The following CAST variants were observed in gnomAD, a reference collection of about 807,000 sequenced individuals.
CAST encodes MIR583 host.
CAST carries 76 observed loss-of-function variants against 119.6 expected under a neutral mutation model. The ratio of observed to expected loss-of-function variants is 0.64; its 90% CI spans 0.53 to 0.77. The LOEUF (loss-of-function observed/expected upper bound fraction) is 0.77. Ranked by LOEUF, CAST falls within the 30% of genes least tolerant of loss-of-function variation. The pLI is 0.00. For missense variants in CAST, 953 were observed against 946.5 expected (o/e 1.01, Z -0.09); for synonymous variants, 319 against 331.6 (o/e 0.96, Z 0.41).
the CAST span, chr5:96,411,067 T>C: frequency 1.0e-6 from 1 of 992,276 alleles, no homozygotes; most frequent in Non-Finnish European, 1.6e-6. Context: ...CCCCAACGAC[T>C]ACATGTGTGA....
At chr5:96,622,892 C>T (rs2350524) in intron 1 of CAST, among the ~76,000 whole-genome samples, 51,684 of 94,170 alleles carry the variant, frequency 0.55, 13,762 homozygotes, top group Middle Eastern at 0.68. Context: ...GAGACGGAGT[C>T]TCGCTCTGTC....
the CAST span, among the ~76,000 whole-genome samples, chr5:96,367,697 A>G: frequency 6.6e-6 from 1 of 152,004 alleles, no homozygotes; most frequent in African/African-American, 2.4e-5. Context: ...GGTGGGAGTG[A>G]CCCAATTTTC....
At chr5:96,296,924 G>T in the CAST span, among the ~76,000 whole-genome samples, 1 of 152,186 alleles carries the variant, frequency 6.6e-6, no homozygotes, top group South Asian at 2.1e-4. Flanking sequence ...GGCCCTAACT[G>T]ATGCTTTTCT....
chr5:96,508,473 A>T, the CAST span, among the ~76,000 whole-genome samples: 1 of 152,210 alleles, frequency 6.6e-6, no homozygotes, highest in African/African-American at 2.4e-5. Context: ...CTTAAAGCAT[A>T]CTGAATTCAC....
At chr5:96,102,633 G>T in the CAST span, among the ~76,000 whole-genome samples, 3 of 151,962 alleles carry the variant, frequency 2.0e-5, no homozygotes, top group Non-Finnish European at 2.9e-5. Flanking sequence ...TCTGCCTCCG[G>T]CCTCTATCAC....
the CAST span, among the ~76,000 whole-genome samples, chr5:95,971,647 T>C: frequency 1.3e-4 from 20 of 152,224 alleles, no homozygotes; most frequent in Admixed American, 6.5e-5. Context: ...ACTACTGATC[T>C]ATTTTCCATC....
At chr5:96,684,730 C>T (rs1161566996) in intron 2 of CAST, among the ~76,000 whole-genome samples, 19 of 151,816 alleles carry the variant, frequency 1.3e-4, no homozygotes, top group Non-Finnish European at 2.2e-4. Context: ...GCCCAAATAA[C>T]TTTTTTAAAA....
chr5:96,465,632 A>T, the CAST span, among the ~76,000 whole-genome samples: 2 of 152,140 alleles, frequency 1.3e-5, no homozygotes, highest in South Asian at 4.1e-4. Context: ...GATTTTCATC[A>T]CCTTAAACAT....
intron 1 of CAST, among the ~76,000 whole-genome samples, chr5:96,555,609 C>T (rs1746223615): frequency 6.6e-6 from 1 of 152,186 alleles, no homozygotes; most frequent in South Asian, 2.1e-4. Flanking sequence ...GTCCTACGCC[C>T]ATGGAGCCTA....
At chr5:96,247,652 G>T in the CAST span, 1 of 152,366 alleles carries the variant, frequency 6.6e-6, no homozygotes, top group South Asian at 2.1e-4. Context: ...AGCAGGAAGA[G>T]ACTTGAATTC....
chr5:96,238,647 G>T, the CAST span, among the ~76,000 whole-genome samples: 2 of 150,326 alleles, frequency 1.3e-5, no homozygotes, highest in African/African-American at 4.9e-5. Flanking sequence ...TGCTCTGCCT[G>T]CCTTGGCCTG....
At chr5:96,234,807 G>T in the CAST span, among the ~76,000 whole-genome samples, 1 of 152,102 alleles carries the variant, frequency 6.6e-6, no homozygotes, top group Non-Finnish European at 1.5e-5. Context: ...GGGGAGGTGT[G>T]TGTGGGTTGT....
At chr5:96,241,927 T>C in the CAST span, among the ~76,000 whole-genome samples, 1 of 139,438 alleles carries the variant, frequency 7.2e-6, no homozygotes, top group Non-Finnish European at 1.6e-5. Context: ...TTTTTTCTTG[T>C]AAATTTGTTT....
chr5:96,244,709 A>G, the CAST span, among the ~76,000 whole-genome samples: 1 of 152,198 alleles, frequency 6.6e-6, no homozygotes, highest in Admixed American at 6.5e-5. Context: ...CAAAGCCTGC[A>G]CTTTTTCTAC....
the CAST span, among the ~76,000 whole-genome samples, chr5:96,492,266 G>A: frequency 6.6e-6 from 1 of 152,208 alleles, no homozygotes; most frequent in South Asian, 2.1e-4. Flanking sequence ...AAGTTGCAGG[G>A]AAGTCCTATT....
intron 1 of CAST, among the ~76,000 whole-genome samples, chr5:96,560,890 G>T (rs1657967133): frequency 6.6e-6 from 1 of 152,178 alleles, no homozygotes; most frequent in Admixed American, 6.5e-5. Flanking sequence ...CTGCTATAAA[G>T]ACACATGGAC....
At chr5:96,265,434 A>T in the CAST span, among the ~76,000 whole-genome samples, 2 of 152,162 alleles carry the variant, frequency 1.3e-5, no homozygotes, top group Non-Finnish European at 2.9e-5. Context: ...ACCGAGAGCC[A>T]TGGGGTAGAG....
chr5:96,592,408 G>C (rs1195975144), intron 1 of CAST, among the ~76,000 whole-genome samples: 1 of 151,912 alleles, frequency 6.6e-6, no homozygotes, highest in African/African-American at 2.4e-5. Context: ...CTCAAAAAAA[G>C]GGGGGGAAAA....
chr5:96,754,531 A>C, intron 21 of CAST, 127 bp from the exon 22 acceptor site: 1 of 659,922 alleles, frequency 1.5e-6, no homozygotes, highest in Non-Finnish European at 2.7e-6. Flanking sequence ...AGGAGCACTA[A>C]GCATACGGTC....
Sources: gnomAD v4.1 joint callset for allele counts (sites outside exome capture counted in the v4.1 genomes callset) on GRCh38, gnomAD v4.1.1 for gene constraint, MANE v1.5 for transcripts, NCBI Gene and HGNC (gene_info 2026-07-23, HGNC 2026-07-21) for gene names.